The following SCAND3 variants were observed in gnomAD, a reference collection of about 807,000 sequenced individuals.
SCAND3 encodes the protein SCAN domain-containing protein 3.
the SCAND3 span, among the ~76,000 whole-genome samples, chr6:28,596,942 G>C: frequency 6.6e-6 from 1 of 152,316 alleles, no homozygotes; most frequent in Non-Finnish European, 1.5e-5. Flanking sequence ...ACATATTTAT[G>C]TGGATGATTT....
the SCAND3 span, chr6:28,575,683 A>G: frequency 6.2e-7 from 1 of 1,614,080 alleles, no homozygotes; most frequent in Non-Finnish European, 8.5e-7. This position sits in a 1 kb window ranked among gnomAD's most constrained non-coding sequence, Gnocchi z 4.2. Flanking sequence ...CAGCATTATA[A>G]CTTCTTTTGT....
the SCAND3 span, among the ~76,000 whole-genome samples, chr6:28,580,284 T>C: frequency 3.3e-5 from 5 of 151,954 alleles, no homozygotes; most frequent in Admixed American, 2.0e-4. Context: ...TGAAACCCCA[T>C]CTCTACTAAA....
the SCAND3 span, among the ~76,000 whole-genome samples, chr6:28,596,630 T>C: frequency 1.3e-4 from 20 of 152,158 alleles, no homozygotes; most frequent in South Asian, 3.5e-3. Context: ...ATATATATTT[T>C]TTTCTCCCAA....
At chr6:28,598,255 C>G in the SCAND3 span, among the ~76,000 whole-genome samples, 1 of 152,182 alleles carries the variant, frequency 6.6e-6, no homozygotes, top group Non-Finnish European at 1.5e-5. Context: ...TTGGCAATTT[C>G]AAATAAACCC....
chr6:28,608,736 C>A, the SCAND3 span, among the ~76,000 whole-genome samples: 2 of 152,122 alleles, frequency 1.3e-5, no homozygotes, highest in African/African-American at 4.8e-5. Flanking sequence ...TGGTGGCTTA[C>A]ACCTGTAATC....
At chr6:28,572,086 A>G in the SCAND3 span, 1 of 1,614,094 alleles carries the variant, frequency 6.2e-7, no homozygotes, top group East Asian at 2.2e-5. This position sits in a 1 kb window ranked among gnomAD's most constrained non-coding sequence, Gnocchi z 4.1. Context: ...GAAAAGAAGC[A>G]GCAATTTTAA....
At chr6:28,575,910 C>T in the SCAND3 span, 1 of 1,613,970 alleles carries the variant, frequency 6.2e-7, no homozygotes, top group South Asian at 1.1e-5. The surrounding 1 kb of genome is among the most constrained non-coding windows in gnomAD (Gnocchi z 4.2). Context: ...CAACTGATTC[C>T]TTTTTCGCCT....
the SCAND3 span, among the ~76,000 whole-genome samples, chr6:28,583,175 G>A: frequency 6.6e-6 from 1 of 151,944 alleles, no homozygotes; most frequent in East Asian, 1.9e-4. Context: ...GGCGGATCAC[G>A]AGGTCAGGAG....
At chr6:28,596,131 T>C in the SCAND3 span, among the ~76,000 whole-genome samples, 1 of 152,238 alleles carries the variant, frequency 6.6e-6, no homozygotes, top group Non-Finnish European at 1.5e-5. Context: ...ATTACAGATA[T>C]ACACATTCAA....
chr6:28,583,223 T>G, the SCAND3 span, among the ~76,000 whole-genome samples: 1 of 151,190 alleles, frequency 6.6e-6, no homozygotes, highest in Non-Finnish European at 1.5e-5. Context: ...AAACCTCGTA[T>G]CTACTAAAAA....
the SCAND3 span, among the ~76,000 whole-genome samples, chr6:28,604,081 G>A: frequency 4.2e-4 from 64 of 152,314 alleles, no homozygotes; most frequent in South Asian, 1.9e-3. Flanking sequence ...CTGCCACTGT[G>A]TTCCAATGGT....
the SCAND3 span, among the ~76,000 whole-genome samples, chr6:28,600,955 G>T: frequency 7.0e-6 from 1 of 142,284 alleles, no homozygotes. Context: ...AGGCTGGAGT[G>T]CAGTGGCGCG....
the SCAND3 span, among the ~76,000 whole-genome samples, chr6:28,615,322 G>A: frequency 2.0e-5 from 3 of 152,106 alleles, no homozygotes; most frequent in African/African-American, 4.8e-5. Context: ...CATCTAGAAA[G>A]ACTAGACATT....
the SCAND3 span, chr6:28,575,793 A>T: frequency 6.2e-7 from 1 of 1,614,078 alleles, no homozygotes; most frequent in Non-Finnish European, 8.5e-7. This position sits in a 1 kb window ranked among gnomAD's most constrained non-coding sequence, Gnocchi z 4.2. Context: ...ATAAGTCCTC[A>T]CTGTGTAAGT....
the SCAND3 span, chr6:28,574,612 T>G: frequency 6.4e-7 from 1 of 1,570,246 alleles, no homozygotes; most frequent in Non-Finnish European, 8.7e-7. Context: ...ATTCTTCCCC[T>G]GCTTTCATCT....
At chr6:28,598,280 C>CAT in the SCAND3 span, among the ~76,000 whole-genome samples, 1 of 152,172 alleles carries the variant, frequency 6.6e-6, no homozygotes. Context: ...CCAAGGAACC[C>CAT]ATCTACTCAC....
chr6:28,589,445 G>C, the SCAND3 span: 1 of 151,714 alleles, frequency 6.6e-6, no homozygotes, highest in African/African-American at 2.4e-5. Flanking sequence ...AATCTCGGTG[G>C]GACCTTTCAA....
chr6:28,575,687 C>A, the SCAND3 span: 2 of 1,614,088 alleles, frequency 1.2e-6, no homozygotes, highest in South Asian at 1.1e-5. This position sits in a 1 kb window ranked among gnomAD's most constrained non-coding sequence, Gnocchi z 4.2. Context: ...ATTATAACTT[C>A]TTTTGTGATG....
At chr6:28,581,738 C>A in the SCAND3 span, among the ~76,000 whole-genome samples, 177 of 152,314 alleles carry the variant, frequency 1.2e-3, no homozygotes, top group African/African-American at 4.0e-3. Flanking sequence ...TCCCCAGGAA[C>A]CTCCTCCCCG....
Sources: allele counts gnomAD v4.1 joint callset (sites outside exome capture counted in the v4.1 genomes callset), GRCh38; gene constraint gnomAD v4.1.1; non-coding constraint Gnocchi (gnomAD v3.1); transcripts MANE v1.5; gene names NCBI Gene and HGNC (gene_info 2026-07-23, HGNC 2026-07-21).